DUOX2: variants seen among roughly 807,000 people sequenced by gnomAD.
DUOX2 encodes the protein dual oxidase 2.
A neutral mutation model predicts 183.3 loss-of-function variants in DUOX2; 185 were observed. That is an observed-to-expected ratio of 1.01 (90% CI 0.90 to 1.14). DUOX2 has a LOEUF of 1.14. Ranked by LOEUF, DUOX2 falls within the 50% of genes most tolerant of loss-of-function variation. The probability of loss-of-function intolerance (pLI) is 0.00; values close to 1 mark genes in which losing one functional copy is unlikely to be tolerated. For missense variants in DUOX2, 1,999 were observed against 2,022.9 expected (o/e 0.99, Z 0.23); for synonymous variants, 788 against 812.4 (o/e 0.97, Z 0.51).
intron 15 of DUOX2, 53 bp from the exon 16 acceptor site, chr15:45,106,694 A>G: frequency 6.2e-7 from 1 of 1,609,792 alleles, no homozygotes. Context: ...CTAGAGCTCC[A>G]CTGTGGCTTA....
chr15:45,097,076 C>T (rs953982138), intron 29 of DUOX2, among the ~76,000 whole-genome samples, 162 bp downstream of exon 29: 5 of 152,158 alleles, frequency 3.3e-5, no homozygotes, highest in African/African-American at 1.2e-4. Flanking sequence ...CTACTTCTAT[C>T]AGGAAACCTT....
intron 13 of DUOX2, 117 bp downstream of exon 13, chr15:45,107,919 GAGGGGTTGGGA>G: frequency 1.1e-6 from 1 of 885,822 alleles, no homozygotes; most frequent in Non-Finnish European, 1.9e-6. Flanking sequence ...GAGAGACCCA[GAGGGGTTGGGA>G]AGGGTGTGGT....
chr15:45,100,201 G>A lies in DUOX2; in HGVS notation c.3033C>T (p.Tyr1011=), dbSNP rs765438725. The A allele has an allele frequency of 1.2e-6, 2 of 1,614,008 alleles. No individual in the cohort carries two copies. Among genetic ancestry groups the A allele is most frequent in the Non-Finnish European group, 1.7e-6 (2 of 1,180,018 alleles). The part of the protein sequence containing the change: ...KKAAVPTPRL[Y]TEALQEKMQR... Reference sequence around the variant, plus strand: ...GCATCTTCTCTTGCAGCGCCTCTGTGTACAGCCGGGGAGTGGGCACTGCTG... The same window carrying A: ...GCATCTTCTCTTGCAGCGCCTCTGTATACAGCCGGGGAGTGGGCACTGCTG... The change falls in exon 24 of 34, where the codon TAC becomes TAT. Residue 1011 remains tyrosine, a synonymous_variant. Coordinates refer to ENST00000389039, the MANE Select transcript of DUOX2 (RefSeq NM_001363711.2).
chr15:45,095,340 C>T, intron 31 of DUOX2, 97 bp downstream of exon 31: 1 of 1,568,584 alleles, frequency 6.4e-7, no homozygotes. Flanking sequence ...AGACTCAGTT[C>T]CTGGAGCCAG....
chr15:45,112,775 A>G, intron 3 of DUOX2, 57 bp from the exon 4 acceptor site: 1 of 1,605,058 alleles, frequency 6.2e-7, no homozygotes, highest in South Asian at 1.1e-5. Flanking sequence ...GGATCCCCCA[A>G]ACCTCTCCCT....
intron 18 of DUOX2, 59 bp from the exon 19 acceptor site, chr15:45,104,424 G>A (rs1443391235): frequency 1.9e-6 from 3 of 1,575,032 alleles, no homozygotes; most frequent in Admixed American, 1.8e-5. Context: ...TATGCTGGAA[G>A]CAGTTCAGTG....
At position 45,105,633 on chromosome 15, in the gene DUOX2, G is replaced by T. The variant is rs73406330; in HGVS notation, c.2334+10C>A. 2 of 1,613,904 alleles carry T rather than the reference G, an allele frequency of 1.2e-6. No homozygotes were observed. Among genetic ancestry groups the T allele is most frequent in the African/African-American group, 2.7e-5 (2 of 74,830 alleles). On this transcript the variant is annotated intron_variant, in intron 18 of 33. Transcript: ENST00000389039. The stretch of plus-strand genomic sequence containing the variant: ...CTGGACCCATCTCCAAAAGGCACAG[G>T]TCATGGCACCTGAGCAAAAAGGTGT...
intron 4 of DUOX2, 133 bp downstream of exon 4, chr15:45,112,421 C>T: frequency 8.9e-7 from 1 of 1,126,424 alleles, no homozygotes; most frequent in Non-Finnish European, 1.3e-6. Flanking sequence ...AAGGCAGTCT[C>T]GAAGTGCTGC....
intron 20 of DUOX2, among the ~76,000 whole-genome samples, 156 bp from the exon 21 acceptor site, chr15:45,102,145 G>A (rs1412912823): frequency 2.0e-5 from 3 of 152,214 alleles, no homozygotes; most frequent in African/African-American, 7.2e-5. Context: ...CTGACACTAA[G>A]CTGGGTGGGG....
chr15:45,098,147 C>T (rs1385689601), intron 26 of DUOX2, 89 bp from the exon 27 acceptor site: 6 of 1,307,882 alleles, frequency 4.6e-6, no homozygotes, highest in East Asian at 2.4e-5. Flanking sequence ...TCCTGCTGGC[C>T]CTGACTGCTG....
chr15:45,113,188 CAA>C (rs1448287324), intron 2 of DUOX2, 112 bp from the exon 3 acceptor site: 1 of 1,452,194 alleles, frequency 6.9e-7, no homozygotes, highest in Non-Finnish European at 9.4e-7. Flanking sequence ...TAACCGGACC[CAA>C]GTGTCGGGCC....
In DUOX2 at chr15:45,107,396, T is replaced by C; in HGVS notation, c.1642A>G (p.Ile548Val). ...TGCAGGGCACTGGGGTCAATGTTGA[T>C]AACAGCGACCAGCACGTCCCGCAGG... ...TTLRDVLVAV[I>V]NIDPSALQPN... Residue 548 changes from isoleucine (I) to valine (V), a missense_variant, in exon 14 of 34, where the codon ATC becomes GTC. By Grantham distance (29) the Ile-to-Val change is conservative. Around this residue, in one of 3 missense-constraint regions of DUOX2, gnomAD observed 1,628 missense variants for 1,608.6 expected, o/e 1.01. Coordinates refer to ENST00000389039, the MANE Select transcript of DUOX2 (RefSeq NM_001363711.2). 1 of 1,614,250 alleles carries C rather than the reference T, an allele frequency of 6.2e-7. No individual in the cohort carries two copies. Among genetic ancestry groups the C allele is most frequent in the South Asian group, 1.1e-5 (1 of 91,088 alleles).
In DUOX2 at chr15:45,097,286, G is replaced by A. The variant is rs752437461; in HGVS notation, c.3799C>T (p.Arg1267Trp). The change falls in exon 29 of 34, where the codon CGG becomes TGG. Residue 1267 changes from arginine to tryptophan, a missense_variant. Transcript: ENST00000389039. Reference sequence around the variant, plus strand: ...ACCACGCTGATCTCCACCTTCTTCCGGCTCAGGCTCACCAGCTTGTCACCT... The same window carrying A: ...ACCACGCTGATCTCCACCTTCTTCCAGCTCAGGCTCACCAGCTTGTCACCT... Reference protein sequence around the residue: ...YGGDKLVSLSRKKVEISVVKA... With the variant: ...YGGDKLVSLSWKKVEISVVKA... The A allele has an allele frequency of 2.4e-5, 39 of 1,614,130 alleles. No individual in the cohort carries two copies. The highest frequency in any genetic ancestry group is 1.2e-4 in the African/African-American group (9 of 74,938).
At position 45,097,929 on chromosome 15, in the gene DUOX2, T is replaced by C. The variant is rs566375398; in HGVS notation, c.3565+80A>G. ...CTAGAAACAGACCCCATGGCCAGTA[T>C]AGACAAGTGAGTATTCACAGAGAGA... On this transcript the variant is annotated intron_variant, in intron 27 of 33. Transcript: ENST00000389039. 17 of 1,545,426 alleles carry C rather than the reference T, an allele frequency of 1.1e-5. No individual in the cohort carries two copies. In the African/African-American group the frequency reaches 1.6e-4, roughly 15 times the overall value.
chr15:45,099,998 C>G lies in DUOX2; in HGVS notation c.3184+52G>C. The stretch of plus-strand genomic sequence containing the variant: ...GGATCAGAGGGCTTTCCACTCCTCT[C>G]CAAGGGTCAGAGCCTGCTCCCTACC... On this transcript the variant is annotated intron_variant, in intron 24 of 33. Coordinates refer to ENST00000389039, the MANE Select transcript of DUOX2 (RefSeq NM_001363711.2). 3 of 1,613,918 alleles carry G rather than the reference C, an allele frequency of 1.9e-6. No individual in the cohort carries two copies. The East Asian group carries it at 6.7e-5, about 36-fold the overall frequency.
At chr15:45,105,990 G>A (rs568621386) in intron 17 of DUOX2, 135 bp downstream of exon 17, 104 of 1,371,844 alleles carry the variant, frequency 7.6e-5, no homozygotes, top group Non-Finnish European at 9.8e-5. Context: ...TGTGTCTGGG[G>A]GCCTCTGAAA....
At chr15:45,094,712 C>T in intron 32 of DUOX2, 21 bp from the exon 33 acceptor site, 1 of 1,613,514 alleles carries the variant, frequency 6.2e-7, no homozygotes, top group Non-Finnish European at 8.5e-7. Flanking sequence ...AGGGGCAGGT[C>T]AGACCAAAGA....
Position 45,112,971 on chromosome 15 carries a change from G to A in DUOX2, c.160+16C>T, listed in dbSNP as rs754734694. ...GCGAGCCACGGCCCCAGCACGCCCG[G>A]GCCCCCAGAACGCACCAACAGCACC... On this transcript the variant is annotated intron_variant, in intron 3 of 33. Coordinates refer to ENST00000389039, the MANE Select transcript of DUOX2 (RefSeq NM_001363711.2). 4 of 1,612,726 alleles carry A rather than the reference G, an allele frequency of 2.5e-6. No individual in the cohort carries two copies. The highest frequency in any genetic ancestry group is 1.7e-4 in the Middle Eastern group (1 of 5,826).
intron 17 of DUOX2, 104 bp from the exon 18 acceptor site, chr15:45,105,932 C>G: frequency 6.7e-7 from 1 of 1,498,304 alleles, no homozygotes; most frequent in Non-Finnish European, 9.1e-7. Flanking sequence ...AAAACTCCTC[C>G]CCATCCATCC....
Sources: allele counts gnomAD v4.1 joint callset (sites outside exome capture counted in the v4.1 genomes callset), GRCh38; gene constraint gnomAD v4.1.1; regional missense constraint gnomAD v4.1.1; transcripts MANE v1.5; gene names NCBI Gene and HGNC (gene_info 2026-07-23, HGNC 2026-07-21).